Variants in C1QTNF3 observed in about 807,000 individuals in gnomAD.
The protein encoded by C1QTNF3 is C1q and TNF related 3, also known as complement C1q tumor necrosis factor-related protein 3.
C1QTNF3 carries 26 observed loss-of-function variants against 32.6 expected under a neutral mutation model. The ratio of observed to expected loss-of-function variants is 0.80; its 90% CI spans 0.58 to 1.11. The LOEUF (loss-of-function observed/expected upper bound fraction) is 1.11. Ranked by LOEUF, C1QTNF3 falls within the 50% of genes least tolerant of loss-of-function variation. The probability of loss-of-function intolerance (pLI) is 0.00; values close to 1 mark genes in which losing one functional copy is unlikely to be tolerated. For synonymous variants in C1QTNF3, 155 were observed against 146.0 expected (o/e 1.06, Z -0.44); for missense variants, 362 against 398.2 (o/e 0.91, Z 0.77).
chr5:34,175,840 C>A, the C1QTNF3 span: 1 of 786,426 alleles, frequency 1.3e-6, no homozygotes, highest in Non-Finnish European at 2.3e-6. Flanking sequence ...GTCATGAAAT[C>A]GGCAAAATTC....
the C1QTNF3 span, among the ~76,000 whole-genome samples, chr5:34,049,585 A>C: frequency 5.3e-5 from 8 of 152,216 alleles, no homozygotes; most frequent in Non-Finnish European, 1.0e-4. Context: ...CAATGAAGGC[A>C]AGACAAGGGT....
the C1QTNF3 span, among the ~76,000 whole-genome samples, chr5:34,242,439 G>A: frequency 6.6e-6 from 1 of 152,140 alleles, no homozygotes; most frequent in Non-Finnish European, 1.5e-5. Flanking sequence ...AAATGGTGCT[G>A]GGATAATTCG....
the C1QTNF3 span, among the ~76,000 whole-genome samples, chr5:34,215,125 T>C: frequency 3.9e-5 from 6 of 152,216 alleles, no homozygotes; most frequent in East Asian, 5.8e-4. Context: ...TGGGGTGGGA[T>C]AGAAATCAGT....
chr5:34,021,513 G>GT (rs1561052916), intron 5 of C1QTNF3, among the ~76,000 whole-genome samples: 1 of 152,324 alleles, frequency 6.6e-6, no homozygotes, highest in South Asian at 2.1e-4. Flanking sequence ...AAAGCCAGGT[G>GT]TCTTTATATC....
chr5:34,209,861 G>A, the C1QTNF3 span, among the ~76,000 whole-genome samples: 4 of 152,028 alleles, frequency 2.6e-5, no homozygotes, highest in East Asian at 1.9e-4. Flanking sequence ...CTAAACTAAC[G>A]ATTTTAAACA....
chr5:34,172,891 G>C, the C1QTNF3 span, among the ~76,000 whole-genome samples: 1 of 152,070 alleles, frequency 6.6e-6, no homozygotes, highest in Non-Finnish European at 1.5e-5. Flanking sequence ...GGTTTATTTT[G>C]CCATCATAAA....
the C1QTNF3 span, among the ~76,000 whole-genome samples, chr5:34,054,862 T>G: frequency 6.6e-6 from 1 of 152,198 alleles, no homozygotes; most frequent in Non-Finnish European, 1.5e-5. Flanking sequence ...TCCCTCCTTT[T>G]CCTTTTTGAT....
At chr5:34,100,460 A>T in the C1QTNF3 span, among the ~76,000 whole-genome samples, 1 of 151,952 alleles carries the variant, frequency 6.6e-6, no homozygotes, top group Non-Finnish European at 1.5e-5. Flanking sequence ...GCTTATTAAC[A>T]TATATTAAAA....
the C1QTNF3 span, among the ~76,000 whole-genome samples, chr5:34,162,602 T>C: frequency 3.0e-4 from 45 of 152,312 alleles, no homozygotes; most frequent in Admixed American, 1.7e-3. Flanking sequence ...AATTCCTCTA[T>C]TGTTTTTATA....
the C1QTNF3 span, among the ~76,000 whole-genome samples, chr5:34,234,594 T>C: frequency 3.6e-3 from 544 of 152,040 alleles, 3 homozygotes; most frequent in African/African-American, 0.012. Context: ...ACACAAATTA[T>C]CTGTAAAATC....
chr5:34,209,103 T>C, the C1QTNF3 span, among the ~76,000 whole-genome samples: 1 of 151,822 alleles, frequency 6.6e-6, no homozygotes, highest in Non-Finnish European at 1.5e-5. Context: ...AAAATGTCAA[T>C]AGTATTGAAG....
intron 4 of C1QTNF3, among the ~76,000 whole-genome samples, chr5:34,024,771 G>C (rs1435428460): frequency 6.6e-6 from 1 of 152,158 alleles, no homozygotes; most frequent in African/African-American, 2.4e-5. Context: ...TACTTTCACT[G>C]AATGATTAAG....
chr5:34,219,155 T>A, the C1QTNF3 span, among the ~76,000 whole-genome samples: 2 of 152,142 alleles, frequency 1.3e-5, no homozygotes, highest in Non-Finnish European at 2.9e-5. Context: ...GATATGTATT[T>A]GCATAATGCT....
At chr5:34,129,823 G>A in the C1QTNF3 span, among the ~76,000 whole-genome samples, 2 of 151,716 alleles carry the variant, frequency 1.3e-5, no homozygotes, top group Non-Finnish European at 2.9e-5. Flanking sequence ...ATTAATCAGA[G>A]TGCCTAATGG....
At chr5:34,221,599 T>G in the C1QTNF3 span, among the ~76,000 whole-genome samples, 2 of 152,078 alleles carry the variant, frequency 1.3e-5, no homozygotes, top group East Asian at 3.8e-4. Flanking sequence ...GCAAGTACCT[T>G]TCACTATAAA....
chr5:34,059,774 T>G, the C1QTNF3 span, among the ~76,000 whole-genome samples: 28 of 152,160 alleles, frequency 1.8e-4, no homozygotes, highest in Non-Finnish European at 2.9e-4. Context: ...TGCTGGGGGT[T>G]AGGGCTTCAA....
the C1QTNF3 span, among the ~76,000 whole-genome samples, chr5:34,112,178 T>C: frequency 6.6e-6 from 1 of 152,208 alleles, no homozygotes; most frequent in Admixed American, 6.5e-5. Context: ...ATCAAATTAC[T>C]AGAAATTTAT....
At chr5:34,056,477 TATAGAGAGAGAGAG>T in the C1QTNF3 span, among the ~76,000 whole-genome samples, 19 of 87,256 alleles carry the variant, frequency 2.2e-4, no homozygotes, top group African/African-American at 3.6e-4. Flanking sequence ...TATATATATA[TATAGAGAGAGAGAG>T]AGAGAGAGAG....
the C1QTNF3 span, among the ~76,000 whole-genome samples, chr5:34,176,601 G>C: frequency 9.1e-4 from 138 of 152,276 alleles, 1 homozygote; most frequent in Middle Eastern, 0.01. Context: ...TACGTCTTTA[G>C]GTCAGGTGTG....
Sources: allele counts gnomAD v4.1 joint callset (sites outside exome capture counted in the v4.1 genomes callset), GRCh38; gene constraint gnomAD v4.1.1; transcripts MANE v1.5; gene names NCBI Gene and HGNC (gene_info 2026-07-23, HGNC 2026-07-21).